MAGI2: variants seen among roughly 807,000 people sequenced by gnomAD.
MAGI2 encodes the protein membrane-associated guanylate kinase, WW and PDZ domain-containing protein 2.
Under a neutral mutation model 133.3 loss-of-function variants are expected in MAGI2, and 35 were observed. The observed-to-expected ratio is 0.26, with a 90% CI of 0.20 to 0.35. The LOEUF (loss-of-function observed/expected upper bound fraction) is 0.35, where lower values mean the gene tolerates loss of function less well. Ranked by LOEUF, MAGI2 falls within the 10% of genes least tolerant of loss-of-function variation. The pLI is 1.00. For synonymous variants in MAGI2, 729 were observed against 710.6 expected (o/e 1.03, Z -0.41); for missense variants, 1,636 against 1,863.4 (o/e 0.88, Z 2.25).
At chr7:79,399,245 C>T (rs1489806660) in intron 1 of MAGI2, among the ~76,000 whole-genome samples, 1 of 151,796 alleles carries the variant, frequency 6.6e-6, no homozygotes, top group Non-Finnish European at 1.5e-5. Flanking sequence ...CAGGTGCATG[C>T]TACCATACCT....
chr7:79,387,926 C>T (rs1844307788), intron 1 of MAGI2, among the ~76,000 whole-genome samples: 1 of 151,842 alleles, frequency 6.6e-6, no homozygotes, highest in East Asian at 1.9e-4. Context: ...AACTTTTGAA[C>T]ACTTTTAAAT....
intron 2 of MAGI2, among the ~76,000 whole-genome samples, chr7:78,848,020 G>A (rs148101941): frequency 1.4e-4 from 21 of 152,004 alleles, no homozygotes; most frequent in Non-Finnish European, 2.4e-4. Flanking sequence ...TAAAAATGAT[G>A]TCATCTAGGT....
chr7:78,829,774 C>T (rs1198845635), intron 2 of MAGI2, among the ~76,000 whole-genome samples: 2 of 151,926 alleles, frequency 1.3e-5, no homozygotes, highest in Non-Finnish European at 2.9e-5. Flanking sequence ...AATATATATC[C>T]AAAAGTTCAA....
chr7:79,075,359 T>C (rs962162254), intron 1 of MAGI2, among the ~76,000 whole-genome samples: 11 of 152,132 alleles, frequency 7.2e-5, no homozygotes, highest in African/African-American at 2.7e-4. Flanking sequence ...ACCACATGAG[T>C]TGGAGTCAGC....
intron 1 of MAGI2, among the ~76,000 whole-genome samples, chr7:79,452,545 C>T (rs939903484): frequency 2.0e-5 from 3 of 152,098 alleles, no homozygotes; most frequent in Non-Finnish European, 4.4e-5. Context: ...GCCCCAGAAA[C>T]GCTGGACGCA....
At chr7:79,153,958 T>C (rs953520633) in intron 1 of MAGI2, among the ~76,000 whole-genome samples, 1 of 152,220 alleles carries the variant, frequency 6.6e-6, no homozygotes, top group African/African-American at 2.4e-5. Context: ...GAGTAATTTA[T>C]ATGCCATCAC....
At chr7:78,985,293 T>G (rs1212508200) in intron 2 of MAGI2, among the ~76,000 whole-genome samples, 1 of 152,126 alleles carries the variant, frequency 6.6e-6, no homozygotes, top group Non-Finnish European at 1.5e-5. Flanking sequence ...TTTACTTCAG[T>G]ATATTTCTGT....
At chr7:78,698,345 T>C (rs1425347323) in intron 2 of MAGI2, among the ~76,000 whole-genome samples, 1 of 152,194 alleles carries the variant, frequency 6.6e-6, no homozygotes, top group African/African-American at 2.4e-5. Flanking sequence ...GTCTGGCATC[T>C]GCCCTCAAGG....
At chr7:78,529,667 G>GTTTTTTTTTTTTTTTTTTTTTTTT (rs1563128653) in intron 3 of MAGI2, among the ~76,000 whole-genome samples, 1 of 56,320 alleles carries the variant, frequency 1.8e-5, no homozygotes, top group African/African-American at 6.5e-5. Context: ...TAAAGGAGAT[G>GTTTTTTTTTTTTTTTTTTTTTTTT]GTTTTTTTTT....
intron 1 of MAGI2, among the ~76,000 whole-genome samples, chr7:79,373,248 T>A (rs1304691759): frequency 6.6e-6 from 1 of 151,974 alleles, no homozygotes; most frequent in African/African-American, 2.4e-5. Flanking sequence ...TTATGTTTAT[T>A]TTTACATGTA....
At chr7:79,350,121 A>T (rs1044884205) in intron 1 of MAGI2, among the ~76,000 whole-genome samples, 2 of 152,136 alleles carry the variant, frequency 1.3e-5, no homozygotes, top group African/African-American at 2.4e-5. Flanking sequence ...AGTAACTCAG[A>T]TGACACTTAA....
chr7:78,463,363 T>A (rs1054726494), intron 6 of MAGI2, among the ~76,000 whole-genome samples: 8 of 152,294 alleles, frequency 5.3e-5, no homozygotes, highest in African/African-American at 1.9e-4. Context: ...AAGACAGTAA[T>A]GTTTAAAGAA....
rs73702838 is a variant in MAGI2 at position 78,227,179 on chromosome 7, C to T, written c.2048-25986G>A. Among the ~76,000 whole-genome samples the T allele has an allele frequency of 2.1e-3, 315 of 152,252 alleles. 1 individual carries two copies. Among genetic ancestry groups the T allele is most frequent in the African/African-American group, 7.1e-3 (297 of 41,540 alleles). ...CTGAATATTCATTTAAAAATAGTTT[C>T]TTAGATATATTTTTCCTTTTTGAGT... On this transcript the variant is annotated intron_variant, in intron 10 of 21. Transcript: ENST00000354212.
intron 1 of MAGI2, among the ~76,000 whole-genome samples, chr7:79,329,067 A>T (rs1269589731): frequency 6.6e-6 from 1 of 152,236 alleles, no homozygotes; most frequent in East Asian, 1.9e-4. Flanking sequence ...TTCTGGTGAT[A>T]AGATTTCAGA....
chr7:78,420,876 G>C (rs1242707698), intron 6 of MAGI2, among the ~76,000 whole-genome samples: 1 of 152,166 alleles, frequency 6.6e-6, no homozygotes, highest in Non-Finnish European at 1.5e-5. Context: ...AATTATTTTT[G>C]CATGATGACT....
At chr7:79,171,762 ATATATATATTTT>A (rs1279312038) in intron 1 of MAGI2, among the ~76,000 whole-genome samples, 8 of 28,772 alleles carry the variant, frequency 2.8e-4, no homozygotes, top group African/African-American at 6.8e-4. Flanking sequence ...ATATATATAT[ATATATATATTTT>A]TTTTTTTTTT....
chr7:78,474,794 T>C (rs71573386), intron 6 of MAGI2, among the ~76,000 whole-genome samples: 17,424 of 151,538 alleles, frequency 0.11, 1,278 homozygotes, highest in South Asian at 0.22. Context: ...TTCTAGAAAA[T>C]ATAGTGTATA....
chr7:78,853,332 C>CTTTTT (rs60580466), intron 2 of MAGI2, among the ~76,000 whole-genome samples: 392 of 25,078 alleles, frequency 0.016, 152 homozygotes, highest in African/African-American at 0.021. Context: ...TCCATTCGTT[C>CTTTTT]TTTTTTTTTT....
At chr7:78,388,203 C>T (rs977275476) in intron 6 of MAGI2, among the ~76,000 whole-genome samples, 1 of 152,210 alleles carries the variant, frequency 6.6e-6, no homozygotes, top group African/African-American at 2.4e-5. Flanking sequence ...GAGTGCCCTA[C>T]AATGCTTGGC....
Sources: gnomAD v4.1 joint callset for allele counts (sites outside exome capture counted in the v4.1 genomes callset) on GRCh38, gnomAD v4.1.1 for gene constraint, MANE v1.5 for transcripts, NCBI Gene and HGNC (gene_info 2026-07-23, HGNC 2026-07-21) for gene names.